Variants in ANKRD7 observed in about 807,000 individuals in gnomAD.
ANKRD7 encodes the protein ankyrin repeat domain 7.
In ANKRD7, 30 loss-of-function variants were observed where a neutral mutation model predicts 30.8. That is an observed-to-expected ratio of 0.97 (90% CI 0.73 to 1.32). ANKRD7 has a LOEUF of 1.32. ANKRD7 is among the 40% of genes most tolerant of loss of function. The pLI is 0.00. For synonymous variants in ANKRD7, 97 were observed against 106.6 expected, an observed-to-expected ratio of 0.91 and a Z score of 0.55; for missense variants, 264 against 295.7, an observed-to-expected ratio of 0.89 and a Z score of 0.79.
intron 5 of ANKRD7, among the ~76,000 whole-genome samples, chr7:118,237,554 AATTTT>A (rs1347335063): frequency 6.6e-6 from 1 of 152,008 alleles, no homozygotes; most frequent in Non-Finnish European, 1.5e-5. Flanking sequence ...TTTTCTCTAT[AATTTT>A]ATTTTAAGAG....
chr7:118,234,570 A>G lies in ANKRD7; in HGVS notation c.294+25A>G, dbSNP rs201161945. On this transcript the variant is annotated intron_variant, in intron 2 of 6. Transcript: ENST00000265224. ...GGTATGCCATAGTTTTTCTTTTTCAATTGGAATGTGTTTGAGTTCTCCTAG... is the reference window on the plus strand; with the variant it reads ...GGTATGCCATAGTTTTTCTTTTTCAGTTGGAATGTGTTTGAGTTCTCCTAG... The G allele has an allele frequency of 3.2e-6, 5 of 1,583,676 alleles. No homozygotes were observed. In the East Asian group the frequency reaches 6.7e-5, roughly 21 times the overall value.
At chr7:118,225,097 C>T (rs1809518688) in intron 1 of ANKRD7, 88 bp downstream of exon 1, 19 of 1,416,670 alleles carry the variant, frequency 1.3e-5, no homozygotes, top group Non-Finnish European at 1.7e-5. Flanking sequence ...CTGTTTGACA[C>T]TGATTGTCAC....
At chr7:118,240,268 C>G (rs1423345932) in intron 6 of ANKRD7, among the ~76,000 whole-genome samples, 1 of 152,030 alleles carries the variant, frequency 6.6e-6, no homozygotes, top group African/African-American at 2.4e-5. Flanking sequence ...CCCACTAACT[C>G]GTCATCTAGC....
At chr7:118,237,420 A>G (rs1423457827) in intron 5 of ANKRD7, among the ~76,000 whole-genome samples, 2 of 152,214 alleles carry the variant, frequency 1.3e-5, no homozygotes, top group Non-Finnish European at 2.9e-5. Flanking sequence ...CTGATTTTTA[A>G]TAGTTAATGA....
At chr7:118,230,052 G>A (rs755518138) in intron 1 of ANKRD7, among the ~76,000 whole-genome samples, 1 of 151,980 alleles carries the variant, frequency 6.6e-6, no homozygotes, top group Non-Finnish European at 1.5e-5. Context: ...GGACATCTAT[G>A]ACAAACACAC....
At chr7:118,240,031 T>G (rs1387755035) in intron 6 of ANKRD7, 33 bp downstream of exon 6, 1 of 1,262,216 alleles carries the variant, frequency 7.9e-7, no homozygotes, top group Non-Finnish European at 1.1e-6. Context: ...TGTTTTTTTC[T>G]TGTTGCTTTT....
intron 5 of ANKRD7, among the ~76,000 whole-genome samples, chr7:118,238,552 A>T (rs774548475): frequency 2.6e-5 from 4 of 152,200 alleles, no homozygotes; most frequent in Admixed American, 6.5e-5. Context: ...GCTTCATAAC[A>T]TCATTTGTTG....
intron 1 of ANKRD7, among the ~76,000 whole-genome samples, chr7:118,232,343 G>C (rs954807698): frequency 6.6e-6 from 1 of 151,906 alleles, no homozygotes; most frequent in South Asian, 2.1e-4. Context: ...TGCTTTAAAA[G>C]GATGACAAAT....
At chr7:118,241,759 G>A (rs989439655) in intron 6 of ANKRD7, among the ~76,000 whole-genome samples, 10 of 151,708 alleles carry the variant, frequency 6.6e-5, no homozygotes, top group Non-Finnish European at 4.4e-5. Context: ...GGCTGGTCTC[G>A]AACTCCTGAC....
Position 118,234,742 on chromosome 7 carries a change from A to G in ANKRD7, c.336A>G (p.Leu112=), listed in dbSNP as rs780963075. 11 of 1,612,210 alleles carry G rather than the reference A, an allele frequency of 6.8e-6. No homozygotes were observed. The highest frequency in any genetic ancestry group is 9.3e-6 in the Non-Finnish European group (11 of 1,179,558). Residue 112 remains leucine, a synonymous_variant, in exon 3 of 7, where the codon CTA becomes CTG. Transcript: ENST00000265224. ...ATGAGGATTGTGCTACTATTCTTCT[A>G]AACTTTGGTGCAGACCCAGATCTGA... ...CQNEDCATIL[L]NFGADPDLRD... is the part of the protein sequence containing the mutation.
intron 1 of ANKRD7, among the ~76,000 whole-genome samples, chr7:118,232,086 C>T (rs1426694381): frequency 1.3e-5 from 2 of 152,034 alleles, no homozygotes; most frequent in Non-Finnish European, 2.9e-5. Flanking sequence ...AGAATGGCCT[C>T]TGTTTTTGAC....
chr7:118,227,898 T>C (rs775151846), intron 1 of ANKRD7: 7 of 1,316,066 alleles, frequency 5.3e-6, no homozygotes, highest in Non-Finnish European at 7.0e-6. Context: ...TTATTGATAG[T>C]ATTATGTCTT....
chr7:118,231,811 G>A (rs559221510), intron 1 of ANKRD7, among the ~76,000 whole-genome samples: 105 of 151,970 alleles, frequency 6.9e-4, no homozygotes, highest in Non-Finnish European at 1.2e-3. Flanking sequence ...GAGAGTCTGG[G>A]AGAAAATAGA....
intron 3 of ANKRD7, among the ~76,000 whole-genome samples, chr7:118,235,172 T>A (rs1363927101): frequency 6.6e-6 from 1 of 152,184 alleles, no homozygotes; most frequent in Admixed American, 6.5e-5. Context: ...AACTGGGTAT[T>A]GATAAAAATC....
At chr7:118,235,860 G>T (rs1809719424) in intron 3 of ANKRD7, among the ~76,000 whole-genome samples, 181 bp from the exon 4 acceptor site, 1 of 151,928 alleles carries the variant, frequency 6.6e-6, no homozygotes, top group Non-Finnish European at 1.5e-5. Context: ...TTTTTTGTCT[G>T]GCTCAACCCT....
intron 1 of ANKRD7, among the ~76,000 whole-genome samples, chr7:118,225,268 C>T (rs1412585082): frequency 6.6e-6 from 1 of 152,098 alleles, no homozygotes; most frequent in African/African-American, 2.4e-5. Flanking sequence ...GGGTGGGTCT[C>T]CTGAGGTCAG....
chr7:118,229,942 T>G (rs1219083671), intron 1 of ANKRD7, among the ~76,000 whole-genome samples: 1 of 152,138 alleles, frequency 6.6e-6, no homozygotes, highest in African/African-American at 2.4e-5. Context: ...GATGATCATC[T>G]CAATAGTTGT....
chr7:118,227,251 T>C (rs528219380), intron 1 of ANKRD7, among the ~76,000 whole-genome samples: 2 of 152,290 alleles, frequency 1.3e-5, no homozygotes, highest in Non-Finnish European at 2.9e-5. Context: ...AAATTCTAAA[T>C]TTTATCTCCC....
At chr7:118,225,220 C>T (rs1809520654) in intron 1 of ANKRD7, among the ~76,000 whole-genome samples, 1 of 152,076 alleles carries the variant, frequency 6.6e-6, no homozygotes, top group South Asian at 2.1e-4. Context: ...GGCGTGGTTG[C>T]TCACGTCTGT....
Sources: allele counts gnomAD v4.1 joint callset (sites outside exome capture counted in the v4.1 genomes callset), GRCh38; gene constraint gnomAD v4.1.1; transcripts MANE v1.5; gene names NCBI Gene and HGNC (gene_info 2026-07-23, HGNC 2026-07-21).